Variants in EYS observed in about 807,000 individuals in gnomAD.
The protein encoded by EYS is protein eyes shut homolog.
A neutral mutation model predicts 282.1 loss-of-function variants in EYS; 250 were observed. The observed-to-expected ratio is 0.89, with a 90% CI of 0.80 to 0.98. The LOEUF (loss-of-function observed/expected upper bound fraction) is 0.98. Ranked by LOEUF, EYS falls within the 50% of genes least tolerant of loss-of-function variation. The probability of loss-of-function intolerance (pLI) is 0.00; values close to 1 mark genes in which losing one functional copy is unlikely to be tolerated. For missense variants in EYS, 4,016 were observed against 3,709.0 expected, an observed-to-expected ratio of 1.08 and a Z score of -2.15; for synonymous variants, 1,355 against 1,282.9, an observed-to-expected ratio of 1.06 and a Z score of -1.20.
chr6:64,958,338 C>T (rs558571241), intron 14 of EYS, among the ~76,000 whole-genome samples: 148 of 152,086 alleles, frequency 9.7e-4, no homozygotes, highest in Non-Finnish European at 1.8e-3. Context: ...GCGAAAATCG[C>T]GCCACTGCAC....
chr6:64,017,475 T>C (rs1178560029), intron 33 of EYS, among the ~76,000 whole-genome samples: 1 of 152,140 alleles, frequency 6.6e-6, no homozygotes, highest in East Asian at 1.9e-4. Flanking sequence ...ATTCCATAGT[T>C]GTTGGTTTTG....
At chr6:65,106,833 T>C (rs1775053847) in intron 12 of EYS, among the ~76,000 whole-genome samples, 1 of 152,098 alleles carries the variant, frequency 6.6e-6, no homozygotes, top group Admixed American at 6.6e-5. Flanking sequence ...ACAATGTAAA[T>C]ATATATGTTG....
intron 22 of EYS, among the ~76,000 whole-genome samples, chr6:64,720,097 G>A (rs1164514201): frequency 6.6e-6 from 1 of 152,156 alleles, no homozygotes; most frequent in African/African-American, 2.4e-5. Context: ...TAAAGTCAAT[G>A]TATCAGAGGG....
intron 22 of EYS, among the ~76,000 whole-genome samples, chr6:64,693,667 T>A (rs1045161789): frequency 6.6e-6 from 1 of 152,118 alleles, no homozygotes; most frequent in African/African-American, 2.4e-5. Flanking sequence ...ATGTATTTTT[T>A]AATGGAAAAG....
intron 26 of EYS, among the ~76,000 whole-genome samples, chr6:64,587,211 A>C (rs1766260680): frequency 6.6e-6 from 1 of 152,096 alleles, no homozygotes; most frequent in South Asian, 2.1e-4. Context: ...GTGGTCCAAT[A>C]CAAAGTGGGA....
chr6:64,079,570 A>AT (rs1486637229), intron 32 of EYS, among the ~76,000 whole-genome samples: 3 of 150,732 alleles, frequency 2.0e-5, no homozygotes, highest in African/African-American at 7.4e-5. Flanking sequence ...TTTATTTTTT[A>AT]TTTTTTTATT....
intron 29 of EYS, among the ~76,000 whole-genome samples, chr6:64,319,298 T>C (rs1304045857): frequency 6.6e-6 from 1 of 152,048 alleles, no homozygotes; most frequent in Admixed American, 6.6e-5. Context: ...TTGAAATCTA[T>C]CTTTTTAGCT....
intron 29 of EYS, among the ~76,000 whole-genome samples, chr6:64,345,836 A>G (rs1771364796): frequency 6.6e-6 from 1 of 152,058 alleles, no homozygotes; most frequent in South Asian, 2.1e-4. Flanking sequence ...ATCTACAACA[A>G]ACTCAAACAA....
chr6:65,176,709 G>C lies in EYS; in HGVS notation c.2024-118982C>G, dbSNP rs544128597. Among the ~76,000 whole-genome samples the C allele has an allele frequency of 2.0e-5, 3 of 151,666 alleles. No homozygotes were observed. The East Asian group carries it at 5.9e-4, about 30-fold the overall frequency. On this transcript the variant is annotated intron_variant, in intron 12 of 42. Transcript: ENST00000503581. ...ATTTCAGTTCCTTGTCTATAAATTA[G>C]AGATAGTAATGTCTATGCAAAGATT...
At chr6:65,573,127 G>C (rs1176761734) in intron 2 of EYS, among the ~76,000 whole-genome samples, 1 of 152,066 alleles carries the variant, frequency 6.6e-6, no homozygotes, top group Non-Finnish European at 1.5e-5. Context: ...ATTGCGGAGT[G>C]GGCATAGCAG....
intron 30 of EYS, among the ~76,000 whole-genome samples, chr6:64,251,876 G>T (rs1767230017): frequency 6.6e-6 from 1 of 152,042 alleles, no homozygotes; most frequent in South Asian, 2.1e-4. Flanking sequence ...TCTGTATCAA[G>T]AATTTAAGAA....
At chr6:64,893,886 T>C (rs1767369448) in intron 18 of EYS, among the ~76,000 whole-genome samples, 1 of 152,078 alleles carries the variant, frequency 6.6e-6, no homozygotes. Flanking sequence ...TTTACACATA[T>C]ATGTACACAC....
At chr6:65,271,470 C>G (rs1767902628) in intron 12 of EYS, among the ~76,000 whole-genome samples, 1 of 152,082 alleles carries the variant, frequency 6.6e-6, no homozygotes, top group South Asian at 2.1e-4. Flanking sequence ...TTTACTCAGC[C>G]CACCAATTCA....
chr6:65,528,115 A>G (rs1275594587), intron 2 of EYS, among the ~76,000 whole-genome samples: 5 of 152,220 alleles, frequency 3.3e-5, no homozygotes, highest in African/African-American at 1.2e-4. Context: ...TGGCCAATAT[A>G]ATGAGATTGT....
chr6:64,877,877 G>A (rs1766798246), intron 19 of EYS, among the ~76,000 whole-genome samples: 2 of 152,184 alleles, frequency 1.3e-5, no homozygotes, highest in East Asian at 3.9e-4. Flanking sequence ...CTGATAGCAA[G>A]TGATATAGTA....
intron 23 of EYS, among the ~76,000 whole-genome samples, chr6:64,625,046 T>A (rs1357578821): frequency 6.6e-6 from 1 of 152,148 alleles, no homozygotes; most frequent in African/African-American, 2.4e-5. Flanking sequence ...AATAACTTTT[T>A]TTAAGTGACC....
intron 22 of EYS, among the ~76,000 whole-genome samples, chr6:64,712,439 C>T (rs993969326): frequency 5.3e-5 from 8 of 151,976 alleles, no homozygotes; most frequent in African/African-American, 1.7e-4. Flanking sequence ...TGTTAAAGGA[C>T]GAGGAAGCTG....
intron 19 of EYS, among the ~76,000 whole-genome samples, chr6:64,840,475 C>G (rs1043299892): frequency 1.3e-5 from 2 of 152,090 alleles, no homozygotes; most frequent in African/African-American, 4.8e-5. Context: ...TCCCAGCTAA[C>G]AGGCCAAGTG....
intron 1 of EYS, among the ~76,000 whole-genome samples, chr6:65,703,374 CT>C (rs928568743): frequency 6.6e-6 from 1 of 151,988 alleles, no homozygotes; most frequent in Admixed American, 6.6e-5. Context: ...AGCAATAATT[CT>C]TTTTTTATAA....
Sources: allele counts gnomAD v4.1 joint callset (sites outside exome capture counted in the v4.1 genomes callset), GRCh38; gene constraint gnomAD v4.1.1; transcripts MANE v1.5; gene names NCBI Gene and HGNC (gene_info 2026-07-23, HGNC 2026-07-21).